SFMBT2: variants seen among roughly 807,000 people sequenced by gnomAD.
SFMBT2 encodes the protein Scm like with four mbt domains 2.
Under a neutral mutation model 110.1 loss-of-function variants are expected in SFMBT2, and 38 were observed. The ratio of observed to expected loss-of-function variants is 0.35; its 90% CI spans 0.27 to 0.45. The LOEUF (loss-of-function observed/expected upper bound fraction) is 0.45. Among genes scored for constraint, SFMBT2 ranks in the 20% least tolerant of loss-of-function variants. The pLI is 1.00. For missense variants in SFMBT2, 1,011 were observed against 1,094.9 expected (o/e 0.92, Z 1.08); for synonymous variants, 425 against 425.4 (o/e 1.00, Z 0.01).
At chr10:7,213,792 T>C (rs1209623106) in intron 11 of SFMBT2, among the ~76,000 whole-genome samples, 1 of 138,052 alleles carries the variant, frequency 7.2e-6, no homozygotes, top group Admixed American at 7.2e-5. Flanking sequence ...TGCGAGGCCA[T>C]GGTGCGGGCA....
intron 1 of SFMBT2, among the ~76,000 whole-genome samples, chr10:7,391,903 T>A (rs769925159): frequency 1.3e-5 from 2 of 152,174 alleles, no homozygotes; most frequent in African/African-American, 4.8e-5. Flanking sequence ...CTTGAAATGG[T>A]TGGATAATTT....
chr10:7,359,687 C>A (rs1470536464), intron 4 of SFMBT2, among the ~76,000 whole-genome samples: 1 of 152,156 alleles, frequency 6.6e-6, no homozygotes, highest in Non-Finnish European at 1.5e-5. Context: ...GGTTACCATT[C>A]GGCAAAGAAC....
chr10:7,327,773 A>T, intron 4 of SFMBT2, among the ~76,000 whole-genome samples: 1 of 152,008 alleles, frequency 6.6e-6, no homozygotes, highest in Non-Finnish European at 1.5e-5. Context: ...TGCCTTCAAG[A>T]TTATTCTCCA....
At chr10:7,278,054 GTTAC>G (rs1211432040) in intron 6 of SFMBT2, among the ~76,000 whole-genome samples, 2 of 152,188 alleles carry the variant, frequency 1.3e-5, no homozygotes, top group Non-Finnish European at 2.9e-5. Flanking sequence ...CGAAGTCATT[GTTAC>G]TTACACAAAG....
At chr10:7,251,397 C>T (rs1157181519) in intron 7 of SFMBT2, among the ~76,000 whole-genome samples, 1 of 152,074 alleles carries the variant, frequency 6.6e-6, no homozygotes, top group African/African-American at 2.4e-5. Flanking sequence ...TCATTTGAGC[C>T]TGGGAGGCAG....
At position 7,303,287 on chromosome 10, in the gene SFMBT2, C is replaced by T. The variant is rs116086110; in HGVS notation, c.437-17333G>A. On this transcript the variant is annotated intron_variant, in intron 4 of 20. Transcript: ENST00000397167. Reference sequence around the variant, plus strand: ...GCAGATATTAACTTATGGTTTTCTTCCTGTTAACACTAAGACTGTATTAGA... The same window carrying T: ...GCAGATATTAACTTATGGTTTTCTTTCTGTTAACACTAAGACTGTATTAGA... Among the ~76,000 whole-genome samples, 1,004 of 152,290 alleles carry T rather than the reference C, an allele frequency of 6.6e-3. 15 individuals carry two copies. The highest frequency in any genetic ancestry group is 0.023 in the African/African-American group (956 of 41,540).
chr10:7,197,677 G>A lies in SFMBT2; in HGVS notation c.1569C>T (p.Asn523=), dbSNP rs112982848. Residue 523 remains asparagine, a synonymous_variant, in exon 15 of 21, where the codon AAC becomes AAT. Coordinates refer to ENST00000397167, the MANE Select transcript of SFMBT2 (RefSeq NM_001387889.1). ...FPHLDTTGTV[N]GKYCCPQLFI... is the part of the protein sequence containing the mutation. The stretch of plus-strand genomic sequence containing the variant: ...AGAGCTGAGGACAGCAGTATTTCCC[G>A]TTGACGGTTCCTGCAGGGGACAGCA... 6.0e-5 allele frequency: 97 copies of A among 1,613,968 alleles called. No homozygotes were observed. The African/African-American group carries it at 6.7e-4, about 11-fold the overall frequency.
intron 4 of SFMBT2, among the ~76,000 whole-genome samples, chr10:7,321,217 T>C (rs1843175316): frequency 6.6e-6 from 1 of 151,528 alleles, no homozygotes; most frequent in African/African-American, 2.4e-5. Context: ...TTTTTTTTTT[T>C]TTGAGACAGA....
intron 1 of SFMBT2, among the ~76,000 whole-genome samples, chr10:7,396,213 C>T (rs988861289): frequency 2.0e-5 from 3 of 152,044 alleles, no homozygotes; most frequent in Non-Finnish European, 4.4e-5. Context: ...TGCGCCACTG[C>T]GCTACAGCCT....
chr10:7,195,201 G>T (rs966271409), intron 15 of SFMBT2, among the ~76,000 whole-genome samples: 3 of 152,200 alleles, frequency 2.0e-5, no homozygotes, highest in Non-Finnish European at 4.4e-5. Context: ...TCCTATTTCC[G>T]ATGGTGGCAG....
rs562363852 is a variant in SFMBT2 at position 7,301,553 on chromosome 10, G to C, written c.437-15599C>G. ...TGGCACACTTTCCACTGAGACAGTG[G>C]GGGCAGGTCCCCGGGGCCGGCAAAT... On this transcript the variant is annotated intron_variant, in intron 4 of 20. Coordinates refer to ENST00000397167, the MANE Select transcript of SFMBT2 (RefSeq NM_001387889.1). This position sits in a 1 kb window ranked among gnomAD's most constrained non-coding sequence, Gnocchi z 4.2. 6.6e-6 allele frequency among the ~76,000 whole-genome samples: 1 copy of C among 152,204 alleles called. No homozygotes were observed. Among genetic ancestry groups the C allele is most frequent in the African/African-American group, 2.4e-5 (1 of 41,466 alleles).
chr10:7,230,116 A>T (rs974853915), intron 9 of SFMBT2, among the ~76,000 whole-genome samples: 2 of 151,978 alleles, frequency 1.3e-5, no homozygotes, highest in Non-Finnish European at 2.9e-5. Flanking sequence ...ACCTTCCCAT[A>T]TCCTGCTGAC....
rs140588019 is a variant in SFMBT2, at chr10:7,397,709, G to A, written c.-52+13152C>T. ...AGAAGCAGCATACAAGCAACAGCCC[G>A]GAATCGCAGCAGTACCAGGAAGAAC... On this transcript the variant is annotated intron_variant, in intron 1 of 20. Transcript: ENST00000397167. Among the ~76,000 whole-genome samples the A allele has an allele frequency of 6.8e-3, 1,031 of 152,320 alleles. 8 individuals carry two copies. The highest frequency in any genetic ancestry group is 0.023 in the African/African-American group (956 of 41,568).
At chr10:7,182,140 C>A (rs186963931) in intron 16 of SFMBT2, among the ~76,000 whole-genome samples, 1 of 152,138 alleles carries the variant, frequency 6.6e-6, no homozygotes, top group Non-Finnish European at 1.5e-5. Context: ...CAGGTTCAAG[C>A]GATTCTCCTG....
chr10:7,286,400 C>T, intron 4 of SFMBT2: 1 of 975,346 alleles, frequency 1.0e-6, no homozygotes. Context: ...GAGAAATGGG[C>T]ACAAAATAAC....
chr10:7,202,692 A>G, intron 12 of SFMBT2, 170 bp from the exon 13 acceptor site: 1 of 985,432 alleles, frequency 1.0e-6, no homozygotes, highest in Non-Finnish European at 1.2e-6. Context: ...CTAGCATAGG[A>G]TAGACGTTAA....
At chr10:7,251,536 C>T (rs1840812014) in intron 7 of SFMBT2, among the ~76,000 whole-genome samples, 2 of 152,122 alleles carry the variant, frequency 1.3e-5, no homozygotes, top group African/African-American at 2.4e-5. Context: ...AAATGAGTCC[C>T]GATCACAGCT....
Position 7,318,398 on chromosome 10 carries a change from T to C in SFMBT2, c.437-32444A>G, listed in dbSNP as rs1461021179. Among the ~76,000 whole-genome samples the C allele has an allele frequency of 8.5e-5, 13 of 152,250 alleles. 1 individual carries two copies. Among genetic ancestry groups the C allele is most frequent in the Non-Finnish European group, 2.9e-5 (2 of 68,046 alleles). The stretch of plus-strand genomic sequence containing the variant: ...CTGTGCTTGGCACATTTTAAAAGCA[T>C]GATTTTTTTTTCACCTCTTTGGAGG... On this transcript the variant is annotated intron_variant, in intron 4 of 20. Coordinates refer to ENST00000397167, the MANE Select transcript of SFMBT2 (RefSeq NM_001387889.1).
intron 4 of SFMBT2, among the ~76,000 whole-genome samples, chr10:7,319,304 G>A (rs184119340): frequency 1.1e-4 from 16 of 152,314 alleles, no homozygotes; most frequent in Admixed American, 7.8e-4. Context: ...ATTCCCCGGC[G>A]TTCTGCAAAA....
Sources: allele counts gnomAD v4.1 joint callset (sites outside exome capture counted in the v4.1 genomes callset), GRCh38; gene constraint gnomAD v4.1.1; non-coding constraint Gnocchi (gnomAD v3.1); transcripts MANE v1.5; gene names NCBI Gene and HGNC (gene_info 2026-07-23, HGNC 2026-07-21).